LCOR: variants seen among roughly 807,000 people sequenced by gnomAD.
LCOR encodes the protein ligand dependent nuclear receptor corepressor.
Under a neutral mutation model 64.4 loss-of-function variants are expected in LCOR, and 14 were observed. The observed-to-expected ratio is 0.22, with a 90% confidence interval of 0.14 to 0.34. LCOR has a LOEUF of 0.34. Ranked by LOEUF, LCOR falls within the 10% of genes least tolerant of loss-of-function variation. The pLI, the probability that LCOR is intolerant of heterozygous loss-of-function variation, is 1.00. For synonymous variants in LCOR, 643 were observed against 642.5 expected, an observed-to-expected ratio of 1.00 and a Z score of -0.01; for missense variants, 1,686 against 1,765.3, an observed-to-expected ratio of 0.96 and a Z score of 0.80.
intron 2 of LCOR, among the ~76,000 whole-genome samples, chr10:96,853,231 A>C (rs1845749510): frequency 6.6e-6 from 1 of 152,008 alleles, no homozygotes; most frequent in Admixed American, 6.6e-5. Context: ...TTGTATTTTT[A>C]GTAGAGATGG....
chr10:96,926,317 G>C (rs373985010), intron 4 of LCOR, among the ~76,000 whole-genome samples: 143 of 152,250 alleles, frequency 9.4e-4, no homozygotes, highest in African/African-American at 3.1e-3. Context: ...AGAATATTGT[G>C]CAAAGAAATT....
intron 4 of LCOR, chr10:96,915,741 C>T: frequency 1.5e-6 from 1 of 648,672 alleles, no homozygotes; most frequent in Non-Finnish European, 2.9e-6. Context: ...TCCTTTTTCC[C>T]TTTGGGTACC....
Position 96,984,576 on chromosome 10 carries a change from C to A in LCOR, c.4116C>A (p.Pro1372=). ...ATGCAGATGGGTTTCCTGTTAAGCC[C>A]AAGAGTACTGAAGGAATGAAGGGAA... The part of the protein sequence containing the change: ...QVDADGFPVK[P]KSTEGMKGRK... Residue 1372 remains proline (P), a synonymous_variant, in exon 8 of 8, where the codon CCC becomes CCA. Transcript: ENST00000421806. The A allele has an allele frequency of 6.2e-7, 1 of 1,614,134 alleles. No homozygotes were observed. Among genetic ancestry groups the A allele is most frequent in the South Asian group, 1.1e-5 (1 of 91,072 alleles).
At chr10:96,920,430 AT>A (rs1165429015) in intron 4 of LCOR, among the ~76,000 whole-genome samples, 3 of 1,770 alleles carry the variant, frequency 1.7e-3, no homozygotes, top group African/African-American at 1.3e-3. Flanking sequence ...ATTCATATAT[AT>A]GTGTATATAT....
At chr10:96,849,462 G>C (rs1001827562) in intron 2 of LCOR, among the ~76,000 whole-genome samples, 3 of 152,046 alleles carry the variant, frequency 2.0e-5, no homozygotes, top group African/African-American at 4.8e-5. Context: ...GGCCCGCCTC[G>C]GCCTCCCGAA....
At chr10:96,864,620 A>G (rs970736567) in intron 2 of LCOR, among the ~76,000 whole-genome samples, 4 of 152,232 alleles carry the variant, frequency 2.6e-5, no homozygotes, top group Admixed American at 1.3e-4. Context: ...GCATGTATGT[A>G]TGGTCATGCA....
rs1848084318 is a variant in LCOR at position 96,981,409 on chromosome 10, G to A, written c.949G>A (p.Val317Ile). ...AGACCATATGCAGAGTTCAGCTTTA[G>A]TAGAAAGTCTAATTACAGTAAAAAT... ...GKDHMQSSAL[V>I]ESLITVKMAA... Residue 317 changes from valine (V) to isoleucine (I), a missense_variant, in exon 8 of 8, where the codon GTA becomes ATA. Around this residue, in one of 3 missense-constraint regions of LCOR, gnomAD observed 313 missense variants for 247.2 expected, o/e 1.27. Transcript: ENST00000421806. The A allele has an allele frequency of 1.2e-6, 2 of 1,614,196 alleles. No individual in the cohort carries two copies. The highest frequency in any genetic ancestry group is 2.7e-5 in the African/African-American group (2 of 75,068).
chr10:96,892,388 G>T (rs1846460106), intron 2 of LCOR, among the ~76,000 whole-genome samples: 1 of 151,854 alleles, frequency 6.6e-6, no homozygotes, highest in Non-Finnish European at 1.5e-5. Context: ...AGTCCACTTG[G>T]GCTGCCTAAG....
At position 96,984,121 on chromosome 10, in the gene LCOR, G is replaced by A. The variant is rs369997809; in HGVS notation, c.3661G>A (p.Ala1221Thr). 108 of 1,613,920 alleles carry A rather than the reference G, an allele frequency of 6.7e-5. No individual in the cohort carries two copies. The highest frequency in any genetic ancestry group is 9.0e-5 in the Non-Finnish European group (106 of 1,180,028). Residue 1221 changes from alanine to threonine, a missense_variant, in exon 8 of 8, where the codon GCT becomes ACT. This residue lies in a region of LCOR where 1,293 missense variants were observed against 1,410.4 expected (regional missense o/e 0.92). Coordinates refer to ENST00000421806, the MANE Select transcript of LCOR (RefSeq NM_001346516.2). ...TGTCAAGCATCCTCTTCAGAAATAC[G>A]CTCCTTCCAGCCTATATCCCAGTTC... ...PPVKHPLQKY[A>T]PSSLYPSSLQ...
At chr10:96,904,755 T>C (rs143342904) in intron 2 of LCOR, among the ~76,000 whole-genome samples, 3 of 152,334 alleles carry the variant, frequency 2.0e-5, no homozygotes, top group Non-Finnish European at 4.4e-5. Context: ...TTCTGTGATA[T>C]CATGGTATAC....
At chr10:96,944,623 G>A (rs1260026658) in intron 5 of LCOR, among the ~76,000 whole-genome samples, 1 of 148,764 alleles carries the variant, frequency 6.7e-6, no homozygotes, top group Non-Finnish European at 1.5e-5. Context: ...ATTTCAACGT[G>A]AAATTTCATT....
chr10:96,857,967 G>A (rs569290794), intron 2 of LCOR, among the ~76,000 whole-genome samples: 2 of 152,264 alleles, frequency 1.3e-5, no homozygotes, highest in South Asian at 4.1e-4. Flanking sequence ...AGTGTATCAG[G>A]CTAAAATTGA....
chr10:96,927,938 A>G lies in LCOR; in HGVS notation c.-183-16175A>G, dbSNP rs758683160. Among the ~76,000 whole-genome samples, 6 of 152,336 alleles carry G rather than the reference A, an allele frequency of 3.9e-5. 1 individual carries two copies. In the Middle Eastern group the frequency reaches 0.01, roughly 259 times the overall value. The stretch of plus-strand genomic sequence containing the variant: ...TATATTGTAGTCTGTTAAGTGTGCA[A>G]TAGCATTATATATAAAGAAACAATG... On this transcript the variant is annotated intron_variant, in intron 4 of 7. Transcript: ENST00000421806.
At chr10:96,850,969 T>C (rs971008965) in intron 2 of LCOR, among the ~76,000 whole-genome samples, 7 of 152,238 alleles carry the variant, frequency 4.6e-5, no homozygotes, top group Non-Finnish European at 8.8e-5. Flanking sequence ...AAGGACAGAA[T>C]AACTGTTCTG....
At chr10:96,954,622 G>C (rs1847735367) in intron 7 of LCOR, among the ~76,000 whole-genome samples, 1 of 110,298 alleles carries the variant, frequency 9.1e-6, no homozygotes, top group Admixed American at 9.1e-5. Context: ...TGATTACTTT[G>C]TAATTAATAA....
intron 2 of LCOR, among the ~76,000 whole-genome samples, chr10:96,875,225 A>C (rs970464514): frequency 3.3e-5 from 5 of 151,996 alleles, no homozygotes. Context: ...TCTACTAAAA[A>C]TACAAAAAGT....
At chr10:96,908,395 G>A (rs766403536) in intron 4 of LCOR, among the ~76,000 whole-genome samples, 8 of 152,202 alleles carry the variant, frequency 5.3e-5, no homozygotes, top group Non-Finnish European at 1.2e-4. Flanking sequence ...AGTAATGGGA[G>A]TTATTTTTAG....
intron 7 of LCOR, among the ~76,000 whole-genome samples, chr10:96,972,294 T>G (rs115033440): frequency 1.3e-5 from 2 of 152,052 alleles, no homozygotes; most frequent in African/African-American, 4.8e-5. Context: ...TCCCTTTTTT[T>G]AAAAAATTAA....
chr10:96,856,079 G>GTT (rs112641537), intron 2 of LCOR, among the ~76,000 whole-genome samples: 6 of 150,360 alleles, frequency 4.0e-5, no homozygotes, highest in African/African-American at 9.8e-5. Context: ...TATTTATTTA[G>GTT]TTTTTTTTTG....
Sources: gnomAD v4.1 joint callset for allele counts (sites outside exome capture counted in the v4.1 genomes callset) on GRCh38, gnomAD v4.1.1 for gene constraint, gnomAD v4.1.1 regional missense constraint, MANE v1.5 for transcripts, NCBI Gene and HGNC (gene_info 2026-07-23, HGNC 2026-07-21) for gene names.